RIMS1: variants seen among roughly 807,000 people sequenced by gnomAD.
The protein encoded by RIMS1 is regulating synaptic membrane exocytosis protein 1.
In RIMS1, 83 loss-of-function variants were observed where a neutral mutation model predicts 214.1. That is an observed-to-expected ratio of 0.39 (90% CI 0.32 to 0.47). RIMS1 has a LOEUF of 0.47. Ranked by LOEUF, RIMS1 falls within the 20% of genes least tolerant of loss-of-function variation. RIMS1 has a pLI of 0.99. For synonymous variants in RIMS1, 793 were observed against 786.8 expected (o/e 1.01, Z -0.13); for missense variants, 2,050 against 2,161.8 (o/e 0.95, Z 1.03).
chr6:71,977,686 A>G (rs1179780029), intron 2 of RIMS1, among the ~76,000 whole-genome samples: 1 of 152,152 alleles, frequency 6.6e-6, no homozygotes, highest in African/African-American at 2.4e-5. Context: ...CCCTGTAAAG[A>G]GCCAGGAAAA....
intron 4 of RIMS1, among the ~76,000 whole-genome samples, chr6:72,153,165 C>A (rs2043967179): frequency 1.4e-5 from 2 of 148,136 alleles, no homozygotes; most frequent in Admixed American, 1.4e-4. Context: ...TGTATATATT[C>A]CCCTTATGTC....
At chr6:72,273,219 G>A (rs954676128) in intron 22 of RIMS1, among the ~76,000 whole-genome samples, 4 of 152,028 alleles carry the variant, frequency 2.6e-5, no homozygotes, top group Admixed American at 2.6e-4. Context: ...TGGCCAGATG[G>A]TCTAAAATAT....
At chr6:71,890,100 T>C (rs747908276) in intron 1 of RIMS1, among the ~76,000 whole-genome samples, 3 of 152,230 alleles carry the variant, frequency 2.0e-5, no homozygotes, top group Non-Finnish European at 4.4e-5. Context: ...TAAAATGTAT[T>C]TGTAAGTTTC....
At chr6:72,150,219 C>T (rs959517088) in intron 4 of RIMS1, among the ~76,000 whole-genome samples, 1 of 149,950 alleles carries the variant, frequency 6.7e-6, no homozygotes, top group Non-Finnish European at 1.5e-5. Flanking sequence ...TAAAAAAAGG[C>T]CAGTCAAAGG....
intron 1 of RIMS1, among the ~76,000 whole-genome samples, chr6:71,921,327 G>A (rs561948428): frequency 6.6e-6 from 1 of 152,088 alleles, no homozygotes; most frequent in East Asian, 1.9e-4. Context: ...CACCATGTTG[G>A]TCAGGCTGGT....
intron 1 of RIMS1, among the ~76,000 whole-genome samples, chr6:71,952,788 AG>A (rs1790035741): frequency 6.6e-6 from 1 of 152,040 alleles, no homozygotes; most frequent in Non-Finnish European, 1.5e-5. Context: ...GGACAGCTGG[AG>A]GGTCCCTGCT....
intron 29 of RIMS1, among the ~76,000 whole-genome samples, chr6:72,353,387 C>T (rs370665762): frequency 1.1e-3 from 174 of 152,200 alleles, no homozygotes; most frequent in African/African-American, 3.4e-3. Context: ...CCCCTTTATC[C>T]GAGTTTCAAA....
chr6:72,368,651 G>A (rs1354809086), intron 29 of RIMS1, among the ~76,000 whole-genome samples: 4 of 152,054 alleles, frequency 2.6e-5, no homozygotes, highest in Admixed American at 1.3e-4. Flanking sequence ...CGGTAAGCAC[G>A]AGTCTTCACA....
chr6:71,959,787 C>T (rs1397234743), intron 1 of RIMS1, among the ~76,000 whole-genome samples: 2 of 152,072 alleles, frequency 1.3e-5, no homozygotes, highest in Non-Finnish European at 2.9e-5. Flanking sequence ...ATTTGCTCAA[C>T]ACAAAATACT....
intron 2 of RIMS1, among the ~76,000 whole-genome samples, chr6:72,045,449 G>A (rs1408035258): frequency 6.6e-6 from 1 of 151,832 alleles, no homozygotes; most frequent in Non-Finnish European, 1.5e-5. Context: ...AGTAGACTGG[G>A]AAATCCATAG....
chr6:72,040,346 TGAA>T (rs1821101258), intron 2 of RIMS1, among the ~76,000 whole-genome samples: 1 of 152,038 alleles, frequency 6.6e-6, no homozygotes, highest in South Asian at 2.1e-4. Flanking sequence ...CAGGACTTAA[TGAA>T]TAGTAGTCAC....
At chr6:72,315,690 TACACAC>T (rs367774407) in intron 28 of RIMS1, among the ~76,000 whole-genome samples, 2 of 149,868 alleles carry the variant, frequency 1.3e-5, no homozygotes, top group African/African-American at 2.4e-5. Context: ...CATGCAGCAG[TACACAC>T]ACACACACAC....
chr6:72,137,126 A>G (rs988319561), intron 4 of RIMS1, among the ~76,000 whole-genome samples: 2 of 152,112 alleles, frequency 1.3e-5, no homozygotes, highest in African/African-American at 4.8e-5. Flanking sequence ...TGAGGTGGCT[A>G]AATATAAATT....
chr6:72,017,851 G>A (rs960207857), intron 2 of RIMS1, among the ~76,000 whole-genome samples: 2 of 152,214 alleles, frequency 1.3e-5, no homozygotes, highest in Non-Finnish European at 2.9e-5. Context: ...TTGTGTGTGA[G>A]CCATTCTGGG....
At chr6:71,962,230 C>G (rs2151266054) in intron 1 of RIMS1, among the ~76,000 whole-genome samples, 1 of 152,158 alleles carries the variant, frequency 6.6e-6, no homozygotes, top group South Asian at 2.1e-4. Context: ...AAATGGATTT[C>G]CAAAACTTAA....
chr6:72,336,226 G>T (rs557036458), intron 29 of RIMS1, among the ~76,000 whole-genome samples: 22 of 151,652 alleles, frequency 1.5e-4, no homozygotes, highest in African/African-American at 5.3e-4. Context: ...CCTCTAGCTA[G>T]TTAGTACCCT....
At chr6:72,228,902 A>G (rs2061110661) in intron 6 of RIMS1, among the ~76,000 whole-genome samples, 1 of 151,786 alleles carries the variant, frequency 6.6e-6, no homozygotes, top group African/African-American at 2.4e-5. Flanking sequence ...TATTTCTTTG[A>G]TTGTTATTTA....
intron 29 of RIMS1, among the ~76,000 whole-genome samples, chr6:72,346,020 G>A (rs1469315689): frequency 6.6e-6 from 1 of 151,706 alleles, no homozygotes; most frequent in Non-Finnish European, 1.5e-5. Flanking sequence ...CAAGTAAAGA[G>A]GATCTAGAAG....
intron 24 of RIMS1, 78 bp downstream of exon 24, chr6:72,284,196 TGATCA>T: frequency 1.6e-6 from 2 of 1,218,272 alleles, no homozygotes; most frequent in Non-Finnish European, 2.4e-6. Context: ...TCATTTTACA[TGATCA>T]GTTCTTAAAC....
Sources: allele counts gnomAD v4.1 joint callset (sites outside exome capture counted in the v4.1 genomes callset), GRCh38; gene constraint gnomAD v4.1.1; transcripts MANE v1.5; gene names NCBI Gene and HGNC (gene_info 2026-07-23, HGNC 2026-07-21).